COL24A1: variants seen among roughly 807,000 people sequenced by gnomAD.
COL24A1 encodes the protein collagen alpha-1(XXIV) chain.
Under a neutral mutation model 253.9 loss-of-function variants are expected in COL24A1, and 224 were observed. That is an observed-to-expected ratio of 0.88 (90% CI 0.79 to 0.99). COL24A1 has a LOEUF of 0.99. Ranked by LOEUF, COL24A1 falls within the 50% of genes least tolerant of loss-of-function variation. The pLI is 0.00. For synonymous variants in COL24A1, 685 were observed against 673.7 expected (o/e 1.02, Z -0.26); for missense variants, 2,131 against 2,068.5 (o/e 1.03, Z -0.59).
At chr1:86,082,485 T>A (rs1702712301) in intron 7 of COL24A1, among the ~76,000 whole-genome samples, 1 of 151,946 alleles carries the variant, frequency 6.6e-6, no homozygotes, top group African/African-American at 2.4e-5. Flanking sequence ...TTTCCCTGAT[T>A]CCTGTATCCA....
chr1:85,922,997 A>G (rs985623853), intron 24 of COL24A1, among the ~76,000 whole-genome samples: 13 of 151,978 alleles, frequency 8.6e-5, no homozygotes, highest in African/African-American at 3.1e-4. Flanking sequence ...TGGAGAACAA[A>G]AAAAAAAGCA....
intron 14 of COL24A1, among the ~76,000 whole-genome samples, chr1:86,024,835 C>T (rs1234135221): frequency 1.3e-5 from 2 of 152,094 alleles, no homozygotes; most frequent in Non-Finnish European, 2.9e-5. Flanking sequence ...AACAAACACA[C>T]ACACAAATCT....
At chr1:86,147,129 C>A (rs1396652748) in intron 1 of COL24A1, among the ~76,000 whole-genome samples, 6 of 152,068 alleles carry the variant, frequency 3.9e-5, no homozygotes, top group African/African-American at 1.4e-4. Context: ...GTCTATAAAC[C>A]ATTAATTCCC....
At chr1:85,766,924 G>T (rs959429251) in intron 53 of COL24A1, among the ~76,000 whole-genome samples, 1 of 151,928 alleles carries the variant, frequency 6.6e-6, no homozygotes, top group African/African-American at 2.4e-5. Context: ...CTAACACAGT[G>T]AAACCTCGTT....
chr1:85,835,769 T>C (rs1350368211), intron 43 of COL24A1, among the ~76,000 whole-genome samples: 1 of 152,000 alleles, frequency 6.6e-6, no homozygotes, highest in Non-Finnish European at 1.5e-5. Flanking sequence ...GCCTAATGAG[T>C]ATGGGGCTTC....
In COL24A1 at chr1:86,023,143, C is replaced by G. The variant is rs1387522246; in HGVS notation, c.2050-136G>C. On this transcript the variant is annotated intron_variant, in intron 14 of 59. Transcript: ENST00000370571. ...CTACACGTGCCTTGTTCTTCAACAA[C>G]TTATTTTTCTCTCCACATTTATAAA... The G allele has an allele frequency of 4.4e-6, 3 of 683,904 alleles. No individual in the cohort carries two copies. In the African/African-American group the frequency reaches 5.5e-5, roughly 12 times the overall value. 42.4% of individuals were successfully genotyped at this position (683,904 alleles called of 1,614,324 possible).
chr1:85,895,784 A>G, intron 31 of COL24A1, 74 bp downstream of exon 31: 1 of 1,200,568 alleles, frequency 8.3e-7, no homozygotes, highest in Non-Finnish European at 1.2e-6. Context: ...TCCCCCAAAC[A>G]TTGTTTGAGC....
At chr1:86,094,057 C>T (rs1299528993) in intron 5 of COL24A1, among the ~76,000 whole-genome samples, 1 of 152,056 alleles carries the variant, frequency 6.6e-6, no homozygotes, top group Non-Finnish European at 1.5e-5. Flanking sequence ...TAAATCAGTT[C>T]ACCCATTGCG....
intron 10 of COL24A1, among the ~76,000 whole-genome samples, chr1:86,052,603 T>A (rs568973670): frequency 6.6e-6 from 1 of 152,156 alleles, no homozygotes; most frequent in African/African-American, 2.4e-5. Flanking sequence ...AATTGTTTAT[T>A]GGGTACAGAG....
In COL24A1 at chr1:86,124,747, T is replaced by C. The variant is rs1647963920; in HGVS notation, c.1491+98A>G. ...TCCATGACAGACTTTATCTGTTATG[T>C]ATTGTTTGGTCCAGAGAACTCTCTT... On this transcript the variant is annotated intron_variant, in intron 3 of 59. Coordinates refer to ENST00000370571, the MANE Select transcript of COL24A1 (RefSeq NM_152890.7). 1.5e-5 allele frequency: 13 copies of C among 867,328 alleles called. 2 individuals carry two copies. The South Asian group carries it at 2.3e-4, about 15-fold the overall frequency. The allele number at this position is 867,328 out of a possible 1,614,324, so 53.7% of individuals were successfully genotyped here.
intron 47 of COL24A1, among the ~76,000 whole-genome samples, chr1:85,802,542 A>C (rs917866451): frequency 6.6e-6 from 1 of 152,140 alleles, no homozygotes; most frequent in Non-Finnish European, 1.5e-5. Context: ...ATATGAATTT[A>C]TATATGTAGA....
intron 58 of COL24A1, chr1:85,736,132 C>CA (rs1664022882): frequency 3.0e-6 from 1 of 332,546 alleles, no homozygotes; most frequent in African/African-American, 2.2e-5. Context: ...TTAAAAATGA[C>CA]AAATGTAATT....
chr1:85,731,596 T>C (rs1308498985), intron 59 of COL24A1, among the ~76,000 whole-genome samples: 1 of 152,206 alleles, frequency 6.6e-6, no homozygotes, highest in Non-Finnish European at 1.5e-5. Flanking sequence ...ACTAAGTATA[T>C]TTAGCATAGT....
intron 53 of COL24A1, 34 bp from the exon 54 acceptor site, chr1:85,761,600 TA>T (rs758105136): frequency 5.3e-5 from 85 of 1,611,548 alleles, no homozygotes; most frequent in African/African-American, 6.7e-5. Flanking sequence ...AAGACCTATA[TA>T]TTATACTTTT....
chr1:85,818,454 A>G (rs1277372470), intron 45 of COL24A1, among the ~76,000 whole-genome samples: 1 of 152,212 alleles, frequency 6.6e-6, no homozygotes, highest in East Asian at 1.9e-4. Flanking sequence ...AGTATCATGT[A>G]TCAGGGACTC....
At chr1:85,895,148 A>G (rs981755948) in intron 31 of COL24A1, among the ~76,000 whole-genome samples, 7 of 152,168 alleles carry the variant, frequency 4.6e-5, no homozygotes, top group African/African-American at 1.7e-4. Flanking sequence ...GTAAGTATGC[A>G]TGTGTGGGTA....
chr1:85,917,471 T>G (rs1369854057), intron 24 of COL24A1, among the ~76,000 whole-genome samples: 4 of 152,164 alleles, frequency 2.6e-5, no homozygotes, highest in African/African-American at 7.2e-5. Flanking sequence ...TAAGATTTCC[T>G]AAATTTTCTT....
intron 22 of COL24A1, among the ~76,000 whole-genome samples, chr1:85,966,455 T>C (rs1691582399): frequency 1.3e-5 from 2 of 152,120 alleles, no homozygotes; most frequent in African/African-American, 4.8e-5. Flanking sequence ...CCACCAGCAT[T>C]TTCATTTTGA....
At chr1:85,764,769 G>A (rs1667197429) in intron 53 of COL24A1, among the ~76,000 whole-genome samples, 1 of 151,946 alleles carries the variant, frequency 6.6e-6, no homozygotes, top group African/African-American at 2.4e-5. Flanking sequence ...CCTGATGTGT[G>A]TTTTTTTAAT....
Sources: allele counts gnomAD v4.1 joint callset (sites outside exome capture counted in the v4.1 genomes callset), GRCh38; gene constraint gnomAD v4.1.1; transcripts MANE v1.5; gene names NCBI Gene and HGNC (gene_info 2026-07-23, HGNC 2026-07-21).